ADGRE3: variants seen among roughly 807,000 people sequenced by gnomAD.
ADGRE3 encodes the protein adhesion G protein-coupled receptor E3, also known as EGF-like module receptor 3.
A neutral mutation model predicts 80.1 loss-of-function variants in ADGRE3; 88 were observed. That is an observed-to-expected ratio of 1.10 (90% CI 0.93 to 1.31). The LOEUF is 1.31. Ranked by LOEUF, ADGRE3 falls within the 40% of genes most tolerant of loss-of-function variation. The probability of loss-of-function intolerance (pLI) is 0.00; values close to 1 mark genes in which losing one functional copy is unlikely to be tolerated. For synonymous variants in ADGRE3, 281 were observed against 294.8 expected, an observed-to-expected ratio of 0.95 and a Z score of 0.48; for missense variants, 715 against 776.5, an observed-to-expected ratio of 0.92 and a Z score of 0.94.
At chr19:14,658,218 T>C (rs1001272878) in intron 5 of ADGRE3, among the ~76,000 whole-genome samples, 1 of 151,766 alleles carries the variant, frequency 6.6e-6, no homozygotes, top group Non-Finnish European at 1.5e-5. Context: ...TACCTAATGG[T>C]ATATCTGTAT....
chr19:14,645,541 C>T (rs945327289), intron 8 of ADGRE3, among the ~76,000 whole-genome samples: 1 of 151,990 alleles, frequency 6.6e-6, no homozygotes. Flanking sequence ...TGCTCGTAAT[C>T]CCAGCTACTT....
chr19:14,614,922 G>A (rs1247732026), downstream of ADGRE3, among the ~76,000 whole-genome samples: 4 of 146,804 alleles, frequency 2.7e-5, no homozygotes, highest in African/African-American at 7.6e-5. Flanking sequence ...GTCTCACTCT[G>A]TCACCCAGGC....
At chr19:14,657,541 T>C (rs1175524905) in intron 5 of ADGRE3, among the ~76,000 whole-genome samples, 1 of 136,956 alleles carries the variant, frequency 7.3e-6, no homozygotes, top group Admixed American at 7.1e-5. Context: ...TGTGTGTCTA[T>C]CTATACCTAT....
At chr19:14,607,410 A>G in the ADGRE3 span, among the ~76,000 whole-genome samples, 138 of 151,532 alleles carry the variant, frequency 9.1e-4, 1 homozygote, top group East Asian at 6.5e-3. Flanking sequence ...TCACCGTGTT[A>G]GCCAGGATGG....
rs373403949 is a variant in ADGRE3, at chr19:14,651,085, C to T, written c.697G>A (p.Gly233Ser). ...TTCTGAATGCAGCCATCAGGCATAC[C>T]TTGTGTGTCTCCCTGGATGATGTCA... is the stretch of plus-strand genomic sequence containing the variant. ...CSDIIQGDTQ[G>S]PSAIAFISYS... Residue 233 changes from glycine to serine, a missense_variant and splice_region_variant, in exon 7 of 16, where the codon GGT becomes AGT. Coordinates refer to ENST00000253673, the MANE Select transcript of ADGRE3 (RefSeq NM_032571.5). The T allele has an allele frequency of 1.9e-6, 3 of 1,614,026 alleles. No individual in the cohort carries two copies. Among genetic ancestry groups the T allele is most frequent in the Non-Finnish European group, 2.5e-6 (3 of 1,179,958 alleles).
Position 14,625,515 on chromosome 19 carries a change from C to G in ADGRE3, c.1897G>C (p.Gly633Arg). ...ACCTCACTGGGTTTTGAGTCAGGAC[C>G]CATCTTGCTGGAAAGTGTGTATGTC... Reference protein sequence around the residue: ...SETYTLSSKMGPDSKPSEGDV... With the variant: ...SETYTLSSKMRPDSKPSEGDV... Residue 633 changes from glycine (G) to arginine (R), a missense_variant, in exon 15 of 16, where the codon GGT (glycine) becomes CGT (arginine). By Grantham distance (125) the Gly-to-Arg change is moderately radical (BLOSUM62 -2). Transcript: ENST00000253673. 6.2e-7 allele frequency: 1 copy of G among 1,612,092 alleles called. No individual in the cohort carries two copies. The highest frequency in any genetic ancestry group is 8.5e-7 in the Non-Finnish European group (1 of 1,178,242).
the ADGRE3 span, among the ~76,000 whole-genome samples, chr19:14,608,700 C>A: frequency 7.1e-6 from 1 of 139,914 alleles, no homozygotes; most frequent in Admixed American, 7.8e-5. Flanking sequence ...GTGGTGCAGT[C>A]TTGACCCAAT....
intron 5 of ADGRE3, among the ~76,000 whole-genome samples, chr19:14,657,365 T>C (rs906686047): frequency 1.3e-5 from 2 of 152,094 alleles, no homozygotes; most frequent in Non-Finnish European, 2.9e-5. Context: ...ATGGATACCA[T>C]TGGATACTTG....
chr19:14,673,656 C>T (rs1457049004), intron 1 of ADGRE3, among the ~76,000 whole-genome samples: 1 of 152,104 alleles, frequency 6.6e-6, no homozygotes, highest in African/African-American at 2.4e-5. Flanking sequence ...TGAGGATACC[C>T]CATGAGCATA....
At chr19:14,606,487 T>C in the ADGRE3 span, among the ~76,000 whole-genome samples, 16,464 of 151,948 alleles carry the variant, frequency 0.11, 978 homozygotes, top group East Asian at 0.18. Flanking sequence ...GAGATCAGGC[T>C]GGTCAACATG....
intron 2 of ADGRE3, among the ~76,000 whole-genome samples, chr19:14,665,936 G>GTATATATATGCATACATACATATATA (rs71166783): frequency 1.4e-4 from 6 of 42,102 alleles, no homozygotes; most frequent in African/African-American, 5.7e-4. Context: ...ACACATATGT[G>GTATATATATGCATACATACATATATA]TATATATATA....
intron 15 of ADGRE3, among the ~76,000 whole-genome samples, chr19:14,620,668 G>T (rs1431733706): frequency 3.8e-5 from 5 of 131,540 alleles, no homozygotes; most frequent in Non-Finnish European, 3.1e-5. Context: ...TTGGCTCATT[G>T]CAACCTCTGC....
chr19:14,620,525 AATATATATATTTTATATATATAT>A (rs1970537256), intron 15 of ADGRE3, among the ~76,000 whole-genome samples: 7 of 29,422 alleles, frequency 2.4e-4, no homozygotes, highest in African/African-American at 8.6e-4. Context: ...ACTATATATG[AATATATATATTTTATATATATAT>A]TATATATATA....
chr19:14,629,037 C>G (rs981195522), intron 14 of ADGRE3, among the ~76,000 whole-genome samples: 4 of 152,032 alleles, frequency 2.6e-5, no homozygotes, highest in Non-Finnish European at 5.9e-5. Flanking sequence ...ATTATCCTGC[C>G]TAGCCTCCCG....
At chr19:14,642,346 A>G (rs1016756769) in intron 9 of ADGRE3, among the ~76,000 whole-genome samples, 1 of 149,902 alleles carries the variant, frequency 6.7e-6, no homozygotes, top group African/African-American at 2.4e-5. Context: ...CCCCGTATCT[A>G]AAAAAAAAAT....
At chr19:14,655,408 C>T (rs1463487264) in intron 5 of ADGRE3, among the ~76,000 whole-genome samples, 1 of 152,092 alleles carries the variant, frequency 6.6e-6, no homozygotes, top group Non-Finnish European at 1.5e-5. Flanking sequence ...AACAGATGCT[C>T]TTCTTTTAGG....
chr19:14,649,202 T>C (rs1412134014), intron 7 of ADGRE3, among the ~76,000 whole-genome samples: 16 of 114,196 alleles, frequency 1.4e-4, no homozygotes, highest in African/African-American at 3.4e-4. Flanking sequence ...CTCTCTCTCT[T>C]TTCATCTCTC....
chr19:14,629,257 G>T (rs2146810170), intron 14 of ADGRE3, among the ~76,000 whole-genome samples: 2 of 152,266 alleles, frequency 1.3e-5, no homozygotes, highest in South Asian at 4.1e-4. Context: ...GGGCAGAACT[G>T]CTTGGGTGTT....
chr19:14,637,991 T>C, intron 11 of ADGRE3, 114 bp downstream of exon 11: 1 of 750,828 alleles, frequency 1.3e-6, no homozygotes, highest in East Asian at 2.6e-5. Flanking sequence ...AGAGCTGTTA[T>C]AAAGGAGAAC....
Sources: gnomAD v4.1 joint callset for allele counts (sites outside exome capture counted in the v4.1 genomes callset) on GRCh38, gnomAD v4.1.1 for gene constraint, MANE v1.5 for transcripts, NCBI Gene and HGNC (gene_info 2026-07-23, HGNC 2026-07-21) for gene names.